Variants in SPMIP11 observed in about 807,000 individuals in gnomAD.
SPMIP11 encodes the protein sperm microtubule inner protein 11, also known as long intergenic non-protein coding RNA 935.
the SPMIP11 span, among the ~76,000 whole-genome samples, chr12:48,737,307 G>A: frequency 1.3e-5 from 2 of 151,666 alleles, no homozygotes; most frequent in African/African-American, 4.8e-5. Context: ...TCAAAATGAT[G>A]GAATTTATTG....
chr12:48,741,337 C>T, the SPMIP11 span, among the ~76,000 whole-genome samples: 1 of 152,086 alleles, frequency 6.6e-6, no homozygotes, highest in Admixed American at 6.6e-5. Context: ...AGGCATGAGC[C>T]ACCATGCCTG....
the SPMIP11 span, among the ~76,000 whole-genome samples, chr12:48,762,338 G>A: frequency 0.017 from 2,342 of 134,468 alleles, 64 homozygotes; most frequent in African/African-American, 0.062. Context: ...GATTACAGGC[G>A]TGAGCCACCC....
chr12:48,752,499 G>A, the SPMIP11 span, among the ~76,000 whole-genome samples: 6 of 152,088 alleles, frequency 3.9e-5, no homozygotes, highest in African/African-American at 1.2e-4. Context: ...AATACTGGTT[G>A]CTCCTGCAGA....
the SPMIP11 span, chr12:48,764,875 C>G: frequency 8.5e-6 from 6 of 702,870 alleles, no homozygotes; most frequent in Admixed American, 2.0e-5. Context: ...TTCAGAATCC[C>G]CTTGACTGAT....
the SPMIP11 span, among the ~76,000 whole-genome samples, chr12:48,761,445 CAAA>C: frequency 1.1e-4 from 11 of 96,282 alleles, no homozygotes; most frequent in African/African-American, 3.0e-4. Context: ...AGCGAGACTC[CAAA>C]AAAAAAAAAA....
the SPMIP11 span, among the ~76,000 whole-genome samples, chr12:48,755,691 C>T: frequency 4.6e-5 from 7 of 152,136 alleles, no homozygotes; most frequent in African/African-American, 1.2e-4. Context: ...TATGGGAAGC[C>T]GGGACCATGC....
chr12:48,761,404 T>G, the SPMIP11 span, among the ~76,000 whole-genome samples: 1 of 147,536 alleles, frequency 6.8e-6, no homozygotes, highest in Non-Finnish European at 1.5e-5. Context: ...TGAGCTGAGA[T>G]GGCACCATTG....
chr12:48,764,830 C>T, the SPMIP11 span: 1 of 701,652 alleles, frequency 1.4e-6, no homozygotes, highest in South Asian at 1.5e-5. Context: ...AGATAACCTG[C>T]CCTTCCCCCC....
the SPMIP11 span, among the ~76,000 whole-genome samples, chr12:48,728,616 G>C: frequency 6.6e-6 from 1 of 151,240 alleles, no homozygotes; most frequent in African/African-American, 2.4e-5. Flanking sequence ...GCTGAGGCAG[G>C]AGAATGGTGT....
chr12:48,736,465 T>G, the SPMIP11 span, among the ~76,000 whole-genome samples: 1 of 151,700 alleles, frequency 6.6e-6, no homozygotes, highest in Admixed American at 6.6e-5. Flanking sequence ...ATTTGTTGGT[T>G]CTATATGTAC....
the SPMIP11 span, chr12:48,770,674 T>G: frequency 3.0e-6 from 4 of 1,335,632 alleles, no homozygotes; most frequent in Non-Finnish European, 3.2e-6. Context: ...GGAGCCCTGA[T>G]GGGAAATCTG....
At chr12:48,729,533 CAAAA>C in the SPMIP11 span, among the ~76,000 whole-genome samples, 3 of 141,638 alleles carry the variant, frequency 2.1e-5, no homozygotes, top group Non-Finnish European at 4.6e-5. Context: ...GACTCCATCT[CAAAA>C]AAAAAATAAA....
the SPMIP11 span, chr12:48,770,738 A>C: frequency 8.7e-6 from 14 of 1,605,472 alleles, no homozygotes; most frequent in African/African-American, 1.3e-5. Flanking sequence ...GTCCTGGGAA[A>C]ACCCGCCAAG....
the SPMIP11 span, among the ~76,000 whole-genome samples, chr12:48,745,105 C>T: frequency 3.3e-5 from 5 of 151,870 alleles, no homozygotes; most frequent in Non-Finnish European, 7.4e-5. Context: ...CCCGTCTCTA[C>T]TAAAAATACA....
chr12:48,766,797 C>G, the SPMIP11 span: 1 of 152,398 alleles, frequency 6.6e-6, no homozygotes, highest in African/African-American at 2.4e-5. Flanking sequence ...CTCTGCCTCT[C>G]TAGTCATTTC....
At chr12:48,765,553 T>C in the SPMIP11 span, 2 of 702,086 alleles carry the variant, frequency 2.8e-6, no homozygotes, top group Admixed American at 2.0e-5. Context: ...TTTAAGGATC[T>C]CCTGCTCTCC....
the SPMIP11 span, among the ~76,000 whole-genome samples, chr12:48,742,282 T>C: frequency 6.9e-3 from 909 of 132,394 alleles, 17 homozygotes; most frequent in African/African-American, 0.024. Context: ...CTTTTCCTTT[T>C]TTTTTTTTTT....
the SPMIP11 span, among the ~76,000 whole-genome samples, chr12:48,770,432 C>T: frequency 6.6e-6 from 1 of 152,090 alleles, no homozygotes; most frequent in Non-Finnish European, 1.5e-5. Flanking sequence ...CAGATAAGGA[C>T]AGAAGTATTC....
chr12:48,736,472 G>T, the SPMIP11 span, among the ~76,000 whole-genome samples: 4 of 148,066 alleles, frequency 2.7e-5, no homozygotes, highest in South Asian at 6.5e-4. Flanking sequence ...GGTTCTATAT[G>T]TACTGATTGT....
Sources: allele counts gnomAD v4.1 joint callset (sites outside exome capture counted in the v4.1 genomes callset), GRCh38; gene constraint gnomAD v4.1.1; transcripts MANE v1.5; gene names NCBI Gene and HGNC (gene_info 2026-07-23, HGNC 2026-07-21).